ARHGAP6: variants seen among roughly 807,000 people sequenced by gnomAD.
ARHGAP6 encodes the protein Rho GTPase activating protein 6.
In ARHGAP6, 16 loss-of-function variants were observed where a neutral mutation model predicts 55.7. The ratio of observed to expected loss-of-function variants is 0.29; its 90% CI spans 0.19 to 0.44. The LOEUF (loss-of-function observed/expected upper bound fraction) is 0.44, where lower values mean the gene tolerates loss of function less well. ARHGAP6 is among the 20% of genes least tolerant of loss of function. The probability of loss-of-function intolerance (pLI) is 1.00; values close to 1 mark genes in which losing one functional copy is unlikely to be tolerated. For missense variants in ARHGAP6, 698 were observed against 808.9 expected (o/e 0.86, Z 1.66); for synonymous variants, 382 against 360.9 (o/e 1.06, Z -0.66).
intron 1 of ARHGAP6, among the ~76,000 whole-genome samples, chrX:11,331,028 G>T (rs946666858): frequency 1.8e-5 from 2 of 111,797 alleles, no homozygotes; most frequent in African/African-American, 6.5e-5. Context: ...GTCCCATTTT[G>T]CCCTAAGGAT....
intron 8 of ARHGAP6, among the ~76,000 whole-genome samples, chrX:11,173,946 T>C (rs1188103714): frequency 1.8e-5 from 2 of 111,384 alleles, no homozygotes; most frequent in Non-Finnish European, 3.8e-5. Flanking sequence ...GTTTCATCTA[T>C]GTTGCAATCC....
intron 1 of ARHGAP6, among the ~76,000 whole-genome samples, chrX:11,573,761 A>G (rs1330297483): frequency 9.0e-6 from 1 of 110,701 alleles, no homozygotes; most frequent in Non-Finnish European, 1.9e-5. Context: ...CATTGAATCT[A>G]TAAATTACCT....
chrX:11,238,433 C>T (rs1287904779), intron 2 of ARHGAP6, among the ~76,000 whole-genome samples: 1 of 111,667 alleles, frequency 9.0e-6, no homozygotes, highest in African/African-American at 3.3e-5. Context: ...GTATGGAACA[C>T]CCTCTGATAG....
chrX:11,367,727 T>C, intron 1 of ARHGAP6: 2 of 684,514 alleles, frequency 2.9e-6, no homozygotes, highest in Non-Finnish European at 3.5e-6. Flanking sequence ...TGCTTGTGGC[T>C]GGCTAATGAA....
At chrX:11,465,090 C>G (rs2050280672) in intron 1 of ARHGAP6, among the ~76,000 whole-genome samples, 1 of 112,125 alleles carries the variant, frequency 8.9e-6, no homozygotes, top group South Asian at 3.8e-4. Flanking sequence ...CCATTACATA[C>G]TTTATAAATC....
intron 1 of ARHGAP6, among the ~76,000 whole-genome samples, chrX:11,358,365 T>C (rs2048959157): frequency 8.9e-6 from 1 of 112,146 alleles, no homozygotes; most frequent in Non-Finnish European, 1.9e-5. Context: ...TATATGTTCA[T>C]TTCTCTTAGG....
rs41303175 is a variant in ARHGAP6, at chrX:11,138,172, A to G, written c.*691T>C. 0.21 allele frequency: 22,981 copies of G among 111,795 alleles called. 1,783 individuals are homozygous for G. Among genetic ancestry groups the G allele is most frequent in the Middle Eastern group, 0.27 (57 of 215 alleles). The allele number at this position is 111,795 out of a possible 1,213,427, so 9.2% of individuals were successfully genotyped here. On this transcript the variant is annotated 3_prime_UTR_variant, in exon 13 of 13. Transcript: ENST00000337414. The stretch of plus-strand genomic sequence containing the variant: ...CTGAATCCTTTCTAAACAAGTTCTA[A>G]AAATATATTTCGTAATCTATCAGAT...
At chrX:11,298,183 A>G in intron 1 of ARHGAP6, 1 of 1,208,415 alleles carries the variant, frequency 8.3e-7, no homozygotes, top group Non-Finnish European at 1.1e-6. Context: ...GAGTTTCTAT[A>G]TTGGATGAAA....
rs201522023 is a variant in ARHGAP6 at position 11,621,709 on chromosome X, A to AT, written c.588+42531dup. Among the ~76,000 whole-genome samples, 12 of 110,309 alleles carry AT rather than the reference A, an allele frequency of 1.1e-4. No homozygotes were observed. The East Asian group carries it at 1.4e-3, about 13-fold the overall frequency. On this transcript the variant is annotated intron_variant, in intron 1 of 12. Coordinates refer to ENST00000337414, the MANE Select transcript of ARHGAP6 (RefSeq NM_013427.3). ...TAAAATTTAGAACTTATGTTTAGAG[A>AT]TTTTTTTTTAATGAAGAACGGTATT...
chrX:11,370,018 C>A lies in ARHGAP6; in HGVS notation c.589-115311G>T, dbSNP rs992887027. Among the ~76,000 whole-genome samples, 6 of 112,623 alleles carry A rather than the reference C, an allele frequency of 5.3e-5. No individual in the cohort carries two copies. In the East Asian group the frequency reaches 1.4e-3, roughly 26 times the overall value. On this transcript the variant is annotated intron_variant, in intron 1 of 12. Coordinates refer to ENST00000337414, the MANE Select transcript of ARHGAP6 (RefSeq NM_013427.3). ...TCATAGATGCTTAATTATCACTTGA[C>A]TGGATTAAATTCCCTGGGCTGAGGC...
At chrX:11,470,196 A>G (rs767496996) in intron 1 of ARHGAP6, among the ~76,000 whole-genome samples, 1 of 111,999 alleles carries the variant, frequency 8.9e-6, no homozygotes, top group Admixed American at 9.5e-5. Context: ...ATTTCCAGCA[A>G]TGTATTTCCC....
intron 1 of ARHGAP6, among the ~76,000 whole-genome samples, chrX:11,662,975 C>T (rs910688606): frequency 1.8e-5 from 2 of 111,949 alleles, no homozygotes; most frequent in African/African-American, 3.2e-5. Flanking sequence ...CCCTCTGCCT[C>T]GACTTTCCTT....
chrX:11,150,239 T>G (rs1343376835), intron 10 of ARHGAP6, among the ~76,000 whole-genome samples: 3 of 111,783 alleles, frequency 2.7e-5, no homozygotes, highest in Non-Finnish European at 5.6e-5. Context: ...ACAAGACCTG[T>G]TGCTGAAACT....
intron 9 of ARHGAP6, among the ~76,000 whole-genome samples, chrX:11,159,560 A>G (rs2045912153): frequency 9.0e-6 from 1 of 111,004 alleles, no homozygotes; most frequent in Non-Finnish European, 1.9e-5. Context: ...AGAAAGATGG[A>G]GTTGCTGTTG....
intron 2 of ARHGAP6, among the ~76,000 whole-genome samples, chrX:11,230,610 AGTGTGT>A (rs3030687): frequency 2.0e-4 from 20 of 98,150 alleles, no homozygotes; most frequent in Non-Finnish European, 2.9e-4. Context: ...AGTTATTAGG[AGTGTGT>A]GTGTGTGTGT....
At chrX:11,212,796 T>A (rs1468894807) in intron 2 of ARHGAP6, among the ~76,000 whole-genome samples, 2 of 111,509 alleles carry the variant, frequency 1.8e-5, no homozygotes, top group Non-Finnish European at 3.8e-5. Flanking sequence ...TTTGAGAAAA[T>A]ATATATATAT....
At chrX:11,445,561 C>A (rs2050084546) in intron 1 of ARHGAP6, among the ~76,000 whole-genome samples, 1 of 112,097 alleles carries the variant, frequency 8.9e-6, no homozygotes, top group Admixed American at 9.5e-5. Flanking sequence ...AAGCCTAGGG[C>A]AGCAGCATGC....
intron 9 of ARHGAP6, among the ~76,000 whole-genome samples, chrX:11,168,151 G>A (rs1826195752): frequency 1.8e-5 from 2 of 111,899 alleles, no homozygotes; most frequent in African/African-American, 6.5e-5. Context: ...AAAAATGTCA[G>A]AGCCTCAAAA....
At chrX:11,291,353 G>A (rs1037919939) in intron 1 of ARHGAP6, among the ~76,000 whole-genome samples, 1 of 111,463 alleles carries the variant, frequency 9.0e-6, no homozygotes, top group African/African-American at 3.3e-5. Context: ...CTATCCAGTG[G>A]TCCAGAGGAA....
Sources: gnomAD v4.1 joint callset for allele counts (sites outside exome capture counted in the v4.1 genomes callset) on GRCh38, gnomAD v4.1.1 for gene constraint, MANE v1.5 for transcripts, NCBI Gene and HGNC (gene_info 2026-07-23, HGNC 2026-07-21) for gene names.